The following FAM135B variants were observed in gnomAD, a reference collection of about 807,000 sequenced individuals.
The protein encoded by FAM135B is protein FAM135B.
FAM135B carries 43 observed loss-of-function variants against 127.7 expected under a neutral mutation model. The ratio of observed to expected loss-of-function variants is 0.34; its 90% confidence interval spans 0.26 to 0.43. The LOEUF is 0.43. FAM135B is among the 20% of genes least tolerant of loss of function. The pLI, the probability that FAM135B is intolerant of heterozygous loss-of-function variation, is 1.00. For missense variants in FAM135B, 1,558 were observed against 1,725.6 expected, an observed-to-expected ratio of 0.90 and a Z score of 1.72; for synonymous variants, 670 against 665.1, an observed-to-expected ratio of 1.01 and a Z score of -0.11.
In FAM135B at chr8:138,132,327, C is replaced by T. The variant is rs1221764069; in HGVS notation, c.*266G>A. On this transcript the variant is annotated 3_prime_UTR_variant, in exon 20 of 20. Transcript: ENST00000395297. This position sits in a 1 kb window ranked among gnomAD's most constrained non-coding sequence, Gnocchi z 4.5. ...CCAACTCCCAAGTATTCTGTTTATT[C>T]TCTCATATTTTTCCTAGAAAACATC... is the stretch of plus-strand genomic sequence containing the variant. 2 of 417,068 alleles carry T rather than the reference C, an allele frequency of 4.8e-6. No individual in the cohort carries two copies. Among genetic ancestry groups the T allele is most frequent in the Non-Finnish European group, 8.8e-6 (2 of 228,220 alleles). The allele number at this position is 417,068 out of a possible 1,614,324, so 25.8% of individuals were successfully genotyped here. A position where few individuals can be genotyped will look rare whatever the true frequency, so the allele number is the denominator to read the frequency against.
intron 19 of FAM135B, among the ~76,000 whole-genome samples, chr8:138,135,758 C>A (rs949278862): frequency 6.6e-6 from 1 of 152,064 alleles, no homozygotes; most frequent in African/African-American, 2.4e-5. Flanking sequence ...AAAAAGGAAA[C>A]CTTCCAGAAG....
At chr8:138,386,199 A>C (rs898981655) in intron 1 of FAM135B, among the ~76,000 whole-genome samples, 2 of 151,826 alleles carry the variant, frequency 1.3e-5, no homozygotes, top group South Asian at 4.2e-4. Context: ...CTGAGCAACA[A>C]GAGGGAAACT....
intron 4 of FAM135B, among the ~76,000 whole-genome samples, chr8:138,259,177 C>T (rs1021345114): frequency 1.3e-5 from 2 of 152,158 alleles, no homozygotes; most frequent in Admixed American, 1.3e-4. Flanking sequence ...CTTTGGCCTT[C>T]TCCCATGGTC....
chr8:138,235,764 T>C (rs1820226324), intron 7 of FAM135B, among the ~76,000 whole-genome samples: 1 of 152,156 alleles, frequency 6.6e-6, no homozygotes, highest in Non-Finnish European at 1.5e-5. Context: ...CACATCCTCT[T>C]GTCCAGTGTG....
Position 138,449,462 on chromosome 8 carries a change from C to T in FAM135B, c.-20+47209G>A, listed in dbSNP as rs542600964. 1.7e-4 allele frequency among the ~76,000 whole-genome samples: 26 copies of T among 151,662 alleles called. 1 individual carries two copies. Among genetic ancestry groups the T allele is most frequent in the Admixed American group, 9.2e-4 (14 of 15,232 alleles). ...AATTGTTGAGGTGAGAGTGGCTGGA[C>T]GTGGGGAGGGGGGCAGTAGTGAAAC... On this transcript the variant is annotated intron_variant, in intron 1 of 19. Transcript: ENST00000395297.
intron 1 of FAM135B, among the ~76,000 whole-genome samples, chr8:138,404,152 T>C (rs1833316489): frequency 6.6e-6 from 1 of 152,160 alleles, no homozygotes; most frequent in African/African-American, 2.4e-5. Context: ...ATTTGCTACT[T>C]AAATAAAATA....
intron 7 of FAM135B, among the ~76,000 whole-genome samples, chr8:138,208,935 A>G (rs1817923848): frequency 6.6e-6 from 1 of 152,252 alleles, no homozygotes; most frequent in Admixed American, 6.5e-5. Flanking sequence ...AATAATTCAT[A>G]ACCATCTTAT....
intron 3 of FAM135B, among the ~76,000 whole-genome samples, chr8:138,267,199 C>T (rs982506101): frequency 6.6e-6 from 1 of 152,146 alleles, no homozygotes; most frequent in Non-Finnish European, 1.5e-5. Flanking sequence ...GGCCAGAGGT[C>T]TGTTCCCCTC....
At chr8:138,179,136 C>T (rs952763705) in intron 9 of FAM135B, among the ~76,000 whole-genome samples, 2 of 152,072 alleles carry the variant, frequency 1.3e-5, no homozygotes, top group Admixed American at 1.3e-4. Context: ...CTTCTAATCC[C>T]ATCACCACAA....
intron 7 of FAM135B, among the ~76,000 whole-genome samples, chr8:138,239,522 T>C (rs77978839): frequency 6.6e-6 from 1 of 152,240 alleles, no homozygotes; most frequent in Non-Finnish European, 1.5e-5. Flanking sequence ...TTCACTCTGA[T>C]GGTAGTTTCT....
chr8:138,217,324 G>T (rs575871682), intron 7 of FAM135B, among the ~76,000 whole-genome samples: 2 of 152,162 alleles, frequency 1.3e-5, no homozygotes, highest in East Asian at 1.9e-4. Context: ...CTTAAGAGTG[G>T]GAAGAAGTAA....
intron 2 of FAM135B, among the ~76,000 whole-genome samples, chr8:138,335,095 T>C (rs1457617003): frequency 6.6e-6 from 1 of 152,200 alleles, no homozygotes; most frequent in East Asian, 1.9e-4. Context: ...TATACTGTGA[T>C]TTTTTGTTCA....
chr8:138,491,916 G>A (rs936775670), intron 1 of FAM135B, among the ~76,000 whole-genome samples: 1 of 152,152 alleles, frequency 6.6e-6, no homozygotes, highest in Non-Finnish European at 1.5e-5. Flanking sequence ...GGCCAGGGTG[G>A]GTAGAGGTGA....
At chr8:138,248,840 T>C (rs1349909102) in intron 6 of FAM135B, among the ~76,000 whole-genome samples, 2 of 107,306 alleles carry the variant, frequency 1.9e-5, no homozygotes, top group South Asian at 2.9e-4. Context: ...AAAAAAACAA[T>C]AAAAGTAAAA....
At chr8:138,143,545 T>G (rs1586586107) in intron 15 of FAM135B, among the ~76,000 whole-genome samples, 1 of 151,804 alleles carries the variant, frequency 6.6e-6, no homozygotes, top group Non-Finnish European at 1.5e-5. Flanking sequence ...GCCTTTAGAG[T>G]ATGCAGTCAG....
chr8:138,495,612 C>T (rs1391756413), intron 1 of FAM135B, among the ~76,000 whole-genome samples: 1 of 152,184 alleles, frequency 6.6e-6, no homozygotes, highest in African/African-American at 2.4e-5. Flanking sequence ...CAGAGGCCTA[C>T]TTACCTACAT....
intron 1 of FAM135B, among the ~76,000 whole-genome samples, chr8:138,474,273 A>T (rs1049976213): frequency 6.6e-6 from 1 of 152,180 alleles, no homozygotes; most frequent in Admixed American, 6.5e-5. Flanking sequence ...ACCCCCACGA[A>T]CATTCCAGTT....
chr8:138,473,833 AG>A, intron 1 of FAM135B, among the ~76,000 whole-genome samples: 1 of 127,378 alleles, frequency 7.9e-6, no homozygotes, highest in African/African-American at 4.4e-5. Context: ...TGAGAGACAG[AG>A]AGAGAGAGAG....
intron 7 of FAM135B, among the ~76,000 whole-genome samples, chr8:138,240,225 A>G (rs999670261): frequency 1.3e-5 from 2 of 152,184 alleles, no homozygotes; most frequent in Non-Finnish European, 2.9e-5. Flanking sequence ...CATAGGAGGC[A>G]TTTGTAACCA....
Sources: allele counts gnomAD v4.1 joint callset (sites outside exome capture counted in the v4.1 genomes callset), GRCh38; gene constraint gnomAD v4.1.1; non-coding constraint Gnocchi (gnomAD v3.1); transcripts MANE v1.5; gene names NCBI Gene and HGNC (gene_info 2026-07-23, HGNC 2026-07-21).